Variants in CLVS1 observed in about 807,000 individuals in gnomAD.
The protein encoded by CLVS1 is clavesin-1.
In CLVS1, 10 loss-of-function variants were observed where a neutral mutation model predicts 33.1. The ratio of observed to expected loss-of-function variants is 0.30; its 90% CI spans 0.19 to 0.51. The LOEUF is 0.51. CLVS1 is among the 20% of genes least tolerant of loss of function. The pLI, the probability that CLVS1 is intolerant of heterozygous loss-of-function variation, is 0.97. For missense variants in CLVS1, 343 were observed against 433.4 expected, an observed-to-expected ratio of 0.79 and a Z score of 1.85; for synonymous variants, 163 against 166.1, an observed-to-expected ratio of 0.98 and a Z score of 0.14.
At chr8:61,210,497 T>C (rs1434945532) in intron 2 of CLVS1, among the ~76,000 whole-genome samples, 3 of 152,190 alleles carry the variant, frequency 2.0e-5, no homozygotes, top group Middle Eastern at 3.2e-3. Flanking sequence ...TGCCATGTCA[T>C]GAGAGGGCCT....
At chr8:60,987,389 C>T in the CLVS1 span, among the ~76,000 whole-genome samples, 84 of 152,248 alleles carry the variant, frequency 5.5e-4, no homozygotes, top group South Asian at 5.0e-3. Flanking sequence ...GTGAGAGCTA[C>T]GGTTACTTGA....
At chr8:61,185,578 A>G (rs1451753509) in intron 2 of CLVS1, among the ~76,000 whole-genome samples, 1 of 152,126 alleles carries the variant, frequency 6.6e-6, no homozygotes, top group Non-Finnish European at 1.5e-5. Context: ...TGTACTGAAA[A>G]TTTCTGTAAA....
intron 2 of CLVS1, among the ~76,000 whole-genome samples, chr8:61,203,698 T>C (rs938055636): frequency 6.6e-6 from 1 of 152,210 alleles, no homozygotes; most frequent in Non-Finnish European, 1.5e-5. Flanking sequence ...ATGGAACTGT[T>C]TGACACTTGG....
At chr8:61,185,308 A>AC (rs34272343) in intron 2 of CLVS1, among the ~76,000 whole-genome samples, 14 of 138,736 alleles carry the variant, frequency 1.0e-4, no homozygotes, top group African/African-American at 3.5e-4. Flanking sequence ...TGCCCGGCTA[A>AC]TTTTTTTTTT....
chr8:61,374,374 T>G (rs1813559886), intron 2 of CLVS1, among the ~76,000 whole-genome samples: 2 of 152,220 alleles, frequency 1.3e-5, no homozygotes, highest in African/African-American at 4.8e-5. Context: ...TGACTTTCTC[T>G]GTGTTTATGC....
the CLVS1 span, among the ~76,000 whole-genome samples, chr8:61,025,005 G>C: frequency 6.6e-6 from 1 of 151,966 alleles, no homozygotes; most frequent in Admixed American, 6.6e-5. Flanking sequence ...GTGCCACCAC[G>C]CCCGGCTAAT....
At chr8:60,975,130 A>T in the CLVS1 span, among the ~76,000 whole-genome samples, 15 of 152,162 alleles carry the variant, frequency 9.9e-5, no homozygotes, top group African/African-American at 3.6e-4. Flanking sequence ...AGGAAATAGC[A>T]GGAGTAAGAG....
At chr8:60,976,363 T>A in the CLVS1 span, among the ~76,000 whole-genome samples, 3 of 141,032 alleles carry the variant, frequency 2.1e-5, no homozygotes, top group Non-Finnish European at 4.6e-5. Flanking sequence ...TCTTTCTTTC[T>A]TTTTTTTTTT....
intron 1 of CLVS1, among the ~76,000 whole-genome samples, chr8:61,067,874 T>G (rs893585359): frequency 3.9e-5 from 6 of 152,034 alleles, no homozygotes; most frequent in African/African-American, 9.7e-5. Context: ...TATTGGGTAC[T>G]ATGTTCACTA....
chr8:61,363,474 G>C (rs1342280757), intron 2 of CLVS1, among the ~76,000 whole-genome samples: 1 of 152,144 alleles, frequency 6.6e-6, no homozygotes, highest in African/African-American at 2.4e-5. Context: ...GAATTTCCAA[G>C]TGATAATTCG....
intron 5 of CLVS1, among the ~76,000 whole-genome samples, chr8:61,463,281 A>C (rs1055487890): frequency 2.0e-5 from 3 of 152,192 alleles, no homozygotes; most frequent in Non-Finnish European, 4.4e-5. Context: ...TTGATCATCT[A>C]TTCAGACCTC....
At chr8:61,180,266 T>C (rs1358021223) in intron 2 of CLVS1, among the ~76,000 whole-genome samples, 1 of 152,046 alleles carries the variant, frequency 6.6e-6, no homozygotes, top group Non-Finnish European at 1.5e-5. Context: ...CCTGGACACA[T>C]ACACCCTCCC....
chr8:61,288,287 C>G (rs1206971374), intron 1 of CLVS1, 149 bp downstream of exon 1: 1 of 456,152 alleles, frequency 2.2e-6, no homozygotes, highest in Non-Finnish European at 4.4e-6. Context: ...CCTCCCGCAC[C>G]GCACCCCGCT....
chr8:61,186,845 G>A (rs1233985275), intron 2 of CLVS1, among the ~76,000 whole-genome samples: 1 of 152,218 alleles, frequency 6.6e-6, no homozygotes, highest in Non-Finnish European at 1.5e-5. Context: ...ACTGACATGT[G>A]AGGAAGGATT....
At chr8:61,062,658 G>A (rs1001041309) in intron 1 of CLVS1, among the ~76,000 whole-genome samples, 4 of 152,206 alleles carry the variant, frequency 2.6e-5, no homozygotes, top group Non-Finnish European at 5.9e-5. Context: ...ATGGAGTAGA[G>A]TTTACGGCAG....
chr8:61,184,053 G>A (rs1002651746), intron 2 of CLVS1, among the ~76,000 whole-genome samples: 23 of 152,140 alleles, frequency 1.5e-4, no homozygotes, highest in African/African-American at 4.3e-4. Context: ...ACTGGAATAA[G>A]GAGCACTGAC....
At chr8:61,237,039 T>C (rs1040437735) in intron 2 of CLVS1, among the ~76,000 whole-genome samples, 2 of 152,184 alleles carry the variant, frequency 1.3e-5, no homozygotes, top group Non-Finnish European at 2.9e-5. Context: ...GATAAATCGA[T>C]TGATTCTTTA....
chr8:61,080,959 CG>C (rs1198085448), intron 1 of CLVS1, among the ~76,000 whole-genome samples: 18 of 152,078 alleles, frequency 1.2e-4, no homozygotes, highest in African/African-American at 4.3e-4. Context: ...TTTTGGGTGG[CG>C]GAACTGAAAT....
intron 1 of CLVS1, among the ~76,000 whole-genome samples, chr8:61,069,174 G>A (rs1272745462): frequency 6.6e-6 from 1 of 152,004 alleles, no homozygotes; most frequent in Non-Finnish European, 1.5e-5. Context: ...CACCATGTTG[G>A]TCAGCCTGCT....
Sources: allele counts gnomAD v4.1 joint callset (sites outside exome capture counted in the v4.1 genomes callset), GRCh38; gene constraint gnomAD v4.1.1; transcripts MANE v1.5; gene names NCBI Gene and HGNC (gene_info 2026-07-23, HGNC 2026-07-21).